BAZ2B: variants seen among roughly 807,000 people sequenced by gnomAD.
BAZ2B encodes the protein bromodomain adjacent to zinc finger domain protein 2B.
BAZ2B carries 91 observed loss-of-function variants against 246.0 expected under a neutral mutation model. The observed-to-expected ratio is 0.37, with a 90% confidence interval of 0.31 to 0.44. BAZ2B has a LOEUF of 0.44. Ranked by LOEUF, BAZ2B falls within the 20% of genes least tolerant of loss-of-function variation. The probability of loss-of-function intolerance (pLI) is 1.00; values close to 1 mark genes in which losing one functional copy is unlikely to be tolerated. For synonymous variants in BAZ2B, 855 were observed against 860.0 expected (o/e 0.99, Z 0.10); for missense variants, 2,332 against 2,533.7 (o/e 0.92, Z 1.71).
At chr2:159,608,330 G>A (rs1207034553) in intron 1 of BAZ2B, among the ~76,000 whole-genome samples, 2 of 152,164 alleles carry the variant, frequency 1.3e-5, no homozygotes, top group African/African-American at 2.4e-5. Context: ...AACTGGGATC[G>A]TGCCACTGCA....
Position 159,325,930 on chromosome 2 carries a change from A to T in BAZ2B, c.5944-12T>A. The T allele has an allele frequency of 6.4e-7, 1 of 1,562,682 alleles. No homozygotes were observed. The highest frequency in any genetic ancestry group is 8.6e-7 in the Non-Finnish European group (1 of 1,159,788). On this transcript the variant is annotated splice_polypyrimidine_tract_variant and intron_variant, in intron 34 of 36. Coordinates refer to ENST00000392783, the MANE Select transcript of BAZ2B (RefSeq NM_013450.4). The stretch of plus-strand genomic sequence containing the variant: ...GTTTGACCACTTGCCTTTAATTTAA[A>T]AAAAAAGTAAATGAGGTGTAAGAAA...
At chr2:159,362,033 C>A (rs538906023) in intron 27 of BAZ2B, among the ~76,000 whole-genome samples, 60 of 152,164 alleles carry the variant, frequency 3.9e-4, no homozygotes, top group African/African-American at 1.4e-3. Flanking sequence ...TGCAGCAAAC[C>A]ACCATGGCAA....
intron 2 of BAZ2B, among the ~76,000 whole-genome samples, chr2:159,496,236 C>T (rs13032983): frequency 6.7e-5 from 10 of 148,990 alleles, no homozygotes; most frequent in East Asian, 4.2e-4. Flanking sequence ...ACTAGCCAGG[C>T]GTGATGGCAC....
intron 2 of BAZ2B, among the ~76,000 whole-genome samples, chr2:159,543,728 G>A (rs957083705): frequency 1.3e-5 from 2 of 152,042 alleles, no homozygotes; most frequent in African/African-American, 4.8e-5. Context: ...TAGAGACGAG[G>A]TTTTGCCATG....
chr2:159,453,822 C>G, intron 3 of BAZ2B, 21 bp from the exon 4 acceptor site: 1 of 1,554,894 alleles, frequency 6.4e-7, no homozygotes, highest in Non-Finnish European at 8.7e-7. Flanking sequence ...AAAAAACACA[C>G]TTAAAGTTGT....
chr2:159,539,847 G>C (rs978932852), intron 2 of BAZ2B, among the ~76,000 whole-genome samples: 1 of 152,032 alleles, frequency 6.6e-6, no homozygotes, highest in African/African-American at 2.4e-5. Flanking sequence ...CAGCCTCACT[G>C]GCACTGTGAT....
At chr2:159,594,275 C>T (rs1372062549) in intron 1 of BAZ2B, among the ~76,000 whole-genome samples, 2 of 152,084 alleles carry the variant, frequency 1.3e-5, no homozygotes, top group Non-Finnish European at 2.9e-5. Flanking sequence ...GGCGTGGTAG[C>T]GGGAGCCTGT....
At chr2:159,394,924 T>C (rs2063808414) in intron 20 of BAZ2B, among the ~76,000 whole-genome samples, 1 of 152,188 alleles carries the variant, frequency 6.6e-6, no homozygotes. Flanking sequence ...ATACACCTAT[T>C]TTCTCTACAC....
At chr2:159,463,717 T>C (rs1406060312) in intron 3 of BAZ2B, 2 of 150,484 alleles carry the variant, frequency 1.3e-5, no homozygotes, top group African/African-American at 4.9e-5. Context: ...ATTATTATTA[T>C]TTTTTGAGAC....
intron 1 of BAZ2B, among the ~76,000 whole-genome samples, chr2:159,609,138 TCTC>T (rs939935363): frequency 5.3e-4 from 81 of 152,354 alleles, no homozygotes; most frequent in African/African-American, 1.8e-3. Context: ...ACAAAGGTGT[TCTC>T]CTCTTTCCTT....
intron 1 of BAZ2B, among the ~76,000 whole-genome samples, chr2:159,583,068 T>C (rs1687202267): frequency 6.6e-6 from 1 of 152,030 alleles, no homozygotes; most frequent in African/African-American, 2.4e-5. Context: ...CATATTTGTG[T>C]TATTTTACCT....
chr2:159,413,525 T>C (rs1209162997), intron 13 of BAZ2B, among the ~76,000 whole-genome samples: 1 of 151,980 alleles, frequency 6.6e-6, no homozygotes, highest in African/African-American at 2.4e-5. Context: ...CTGGCCAACA[T>C]GGTGAAACCC....
At chr2:159,524,393 G>A (rs1227400865) in intron 2 of BAZ2B, among the ~76,000 whole-genome samples, 3 of 152,182 alleles carry the variant, frequency 2.0e-5, no homozygotes, top group African/African-American at 7.2e-5. Context: ...AGTCAAGGCT[G>A]CAGTGAGCTG....
the BAZ2B span, among the ~76,000 whole-genome samples, chr2:159,623,978 A>C: frequency 1.3e-5 from 2 of 152,194 alleles, no homozygotes; most frequent in African/African-American, 4.8e-5. Flanking sequence ...AGCAGTCTGA[A>C]GTCAACCTGG....
chr2:159,412,015 C>T, intron 14 of BAZ2B: 1 of 977,116 alleles, frequency 1.0e-6, no homozygotes, highest in Non-Finnish European at 1.2e-6. Context: ...TGAGAATTTC[C>T]AGAAGGTTGG....
intron 1 of BAZ2B, among the ~76,000 whole-genome samples, chr2:159,596,377 C>T (rs1016441291): frequency 1.4e-4 from 21 of 152,144 alleles, no homozygotes; most frequent in Admixed American, 2.6e-4. Flanking sequence ...ACCACAGATC[C>T]TGTTAGAAGC....
intron 2 of BAZ2B, among the ~76,000 whole-genome samples, chr2:159,521,288 A>T (rs1177318054): frequency 6.6e-6 from 1 of 152,118 alleles, no homozygotes; most frequent in Non-Finnish European, 1.5e-5. Context: ...ACATTTCCAT[A>T]ATATAAATTG....
At chr2:159,652,825 C>T in the BAZ2B span, among the ~76,000 whole-genome samples, 1 of 151,714 alleles carries the variant, frequency 6.6e-6, no homozygotes, top group African/African-American at 2.4e-5. Flanking sequence ...ACTCTGTAGC[C>T]CAGGCTGGTC....
At chr2:159,691,508 C>T in the BAZ2B span, among the ~76,000 whole-genome samples, 3 of 152,104 alleles carry the variant, frequency 2.0e-5, no homozygotes, top group Admixed American at 6.5e-5. Context: ...ACTGTATTTA[C>T]TGATACTGTA....
Sources: allele counts gnomAD v4.1 joint callset (sites outside exome capture counted in the v4.1 genomes callset), GRCh38; gene constraint gnomAD v4.1.1; transcripts MANE v1.5; gene names NCBI Gene and HGNC (gene_info 2026-07-23, HGNC 2026-07-21).